The following UBR1 variants were observed in gnomAD, a reference collection of about 807,000 sequenced individuals.
The protein encoded by UBR1 is ubiquitin protein ligase E3 component n-recognin 1.
UBR1 carries 102 observed loss-of-function variants against 242.1 expected under a neutral mutation model. That is an observed-to-expected ratio of 0.42 (90% CI 0.36 to 0.50). UBR1 has a LOEUF of 0.50. UBR1 is among the 20% of genes least tolerant of loss of function. UBR1 has a pLI of 0.01. For synonymous variants in UBR1, 675 were observed against 684.8 expected (o/e 0.99, Z 0.22); for missense variants, 1,772 against 2,101.8 (o/e 0.84, Z 3.07).
chr15:43,047,764 C>T (rs974566525), intron 13 of UBR1, among the ~76,000 whole-genome samples: 5 of 152,176 alleles, frequency 3.3e-5, no homozygotes, highest in African/African-American at 1.2e-4. Context: ...ATGTGTTGTG[C>T]TTGCTGCACA....
chr15:43,052,073 T>C (rs897841418), intron 12 of UBR1, among the ~76,000 whole-genome samples: 1 of 152,158 alleles, frequency 6.6e-6, no homozygotes, highest in Non-Finnish European at 1.5e-5. Flanking sequence ...TAGACATAAA[T>C]TTTTTAGAAT....
At chr15:42,963,845 C>T in intron 42 of UBR1, 90 bp downstream of exon 42, 1 of 1,016,496 alleles carries the variant, frequency 9.8e-7, no homozygotes, top group Non-Finnish European at 1.5e-6. Context: ...TTAATCAGTG[C>T]TGATTGAACT....
rs749939696 is a variant in UBR1, at chr15:42,952,288, T to C, written c.4996A>G (p.Ile1666Val). ...ACACTCACTACTCACTTTAGGAAAA[T>C]GCAGACTCCGGCTCCACAGTGAAGT... ...HALHCGAGVC[I>V]FLKIRECRVV... The change falls in exon 45 of 47, where the codon ATT (isoleucine) becomes GTT (valine). Residue 1666 changes from isoleucine (I) to valine (V), a missense_variant. By Grantham distance (29) the Ile-to-Val change is conservative (BLOSUM62 3). Transcript: ENST00000290650. The C allele has an allele frequency of 1.1e-5, 18 of 1,614,150 alleles. No homozygotes were observed. Among genetic ancestry groups the C allele is most frequent in the Non-Finnish European group, 1.5e-5 (18 of 1,180,032 alleles).
intron 3 of UBR1, among the ~76,000 whole-genome samples, chr15:43,077,100 A>C (rs1283012394): frequency 7.9e-6 from 1 of 126,048 alleles, no homozygotes; most frequent in African/African-American, 2.9e-5. Context: ...GGCCGCCCCT[A>C]CTGGGAAGTG....
chr15:43,015,560 T>C lies in UBR1; in HGVS notation c.3209+128A>G. The stretch of plus-strand genomic sequence containing the variant: ...AACCAAAGACCTTTGTTCACTTGTT[T>C]ATCTGCTGACCTTCCCTCCACTATT... On this transcript the variant is annotated intron_variant, in intron 29 of 46. Coordinates refer to ENST00000290650, the MANE Select transcript of UBR1 (RefSeq NM_174916.3). 7 of 1,043,762 alleles carry C rather than the reference T, an allele frequency of 6.7e-6. No individual in the cohort carries two copies. The South Asian group carries it at 9.0e-5, about 13-fold the overall frequency. The allele number at this position is 1,043,762 out of a possible 1,614,324, so 64.7% of individuals were successfully genotyped here.
chr15:43,021,947 T>C (rs1391779596), intron 26 of UBR1, among the ~76,000 whole-genome samples: 1 of 152,174 alleles, frequency 6.6e-6, no homozygotes, highest in Non-Finnish European at 1.5e-5. Flanking sequence ...GTCTCTCTCT[T>C]ACATCTTTTA....
intron 1 of UBR1, among the ~76,000 whole-genome samples, chr15:43,099,655 C>CTCATTCAT (rs566890756): frequency 6.6e-6 from 1 of 152,136 alleles, no homozygotes; most frequent in Admixed American, 6.5e-5. Context: ...TCAGTGTCTT[C>CTCATTCAT]TCATTCATTC....
rs1436962548 is a variant in UBR1, at chr15:42,943,154, A to G, written c.*2175T>C. 2 of 152,614 alleles carry G rather than the reference A, an allele frequency of 1.3e-5. No homozygotes were observed. The highest frequency in any genetic ancestry group is 1.9e-4 in the East Asian group (1 of 5,194). The allele number at this position is 152,614 out of a possible 1,614,324, so 9.5% of individuals were successfully genotyped here. ...AAGGTGAACTCACAGCCCATACACC[A>G]ATATAATAAATTAATTATACAGATA... On this transcript the variant is annotated 3_prime_UTR_variant, in exon 47 of 47. Transcript: ENST00000290650.
intron 1 of UBR1, among the ~76,000 whole-genome samples, chr15:43,102,943 TG>T (rs1266255767): frequency 3.3e-5 from 5 of 152,178 alleles, no homozygotes; most frequent in Admixed American, 6.5e-5. Context: ...CCAAGGCAGA[TG>T]GATCACTTGA....
chr15:43,029,671 C>A (rs1161200278), intron 21 of UBR1, among the ~76,000 whole-genome samples: 1 of 152,170 alleles, frequency 6.6e-6, no homozygotes, highest in African/African-American at 2.4e-5. Flanking sequence ...TCAGAAGACC[C>A]AGATTAACAC....
intron 10 of UBR1, among the ~76,000 whole-genome samples, chr15:43,057,911 CTTT>C (rs758431765): frequency 7.0e-6 from 1 of 142,784 alleles, no homozygotes. Context: ...TGAGAACGAA[CTTT>C]TTTTTTTTTT....
chr15:42,954,967 G>GA (rs2141251368), intron 44 of UBR1, among the ~76,000 whole-genome samples: 1 of 152,120 alleles, frequency 6.6e-6, no homozygotes, highest in South Asian at 2.1e-4. Flanking sequence ...AGGAGTTCAA[G>GA]ATCAGCCTGG....
intron 39 of UBR1, among the ~76,000 whole-genome samples, chr15:42,971,513 T>C (rs2032207336): frequency 6.6e-6 from 1 of 152,204 alleles, no homozygotes; most frequent in Non-Finnish European, 1.5e-5. Context: ...CACATTTGAG[T>C]AGTGCTCTGT....
intron 32 of UBR1, among the ~76,000 whole-genome samples, chr15:43,000,926 C>T (rs146478200): frequency 2.0e-5 from 3 of 152,202 alleles, no homozygotes; most frequent in South Asian, 2.1e-4. Context: ...CTCCACCTCC[C>T]GGGTTCAAGC....
chr15:43,068,101 A>G, intron 5 of UBR1, 65 bp from the exon 6 acceptor site: 6 of 1,233,170 alleles, frequency 4.9e-6, no homozygotes, highest in Non-Finnish European at 4.5e-6. Context: ...AAAAAAAAAA[A>G]AAAAAAGACA....
chr15:43,049,487 C>T (rs1404853632), intron 12 of UBR1, among the ~76,000 whole-genome samples: 2 of 152,086 alleles, frequency 1.3e-5, no homozygotes, highest in African/African-American at 2.4e-5. Context: ...GGCGTGAACC[C>T]AGGAGGCAGA....
At position 43,038,631 on chromosome 15, in the gene UBR1, T is replaced by C. The variant is rs988500647; in HGVS notation, c.1850-399A>G. Among the ~76,000 whole-genome samples, 6 of 152,206 alleles carry C rather than the reference T, an allele frequency of 3.9e-5. No individual in the cohort carries two copies. The South Asian group carries it at 1.2e-3, about 32-fold the overall frequency. ...AAGAAACTTGTGTGAGTTAAATGTA[T>C]GTTTACTGAGTTTAGAAGTGACAAT... is the stretch of plus-strand genomic sequence containing the variant. On this transcript the variant is annotated intron_variant, in intron 15 of 46. Transcript: ENST00000290650.
At chr15:43,015,503 T>C (rs1190477826) in intron 29 of UBR1, among the ~76,000 whole-genome samples, 185 bp downstream of exon 29, 1 of 152,162 alleles carries the variant, frequency 6.6e-6, no homozygotes. Context: ...TCACAAACAC[T>C]GCGGAAGGCC....
intron 37 of UBR1, among the ~76,000 whole-genome samples, chr15:42,978,570 G>A (rs2032324130): frequency 1.3e-5 from 2 of 152,132 alleles, no homozygotes; most frequent in South Asian, 2.1e-4. Context: ...AGGACAAGAG[G>A]AATGGTTTTG....
Sources: allele counts gnomAD v4.1 joint callset (sites outside exome capture counted in the v4.1 genomes callset), GRCh38; gene constraint gnomAD v4.1.1; transcripts MANE v1.5; gene names NCBI Gene and HGNC (gene_info 2026-07-23, HGNC 2026-07-21).